Variants in FARS2 observed in about 807,000 individuals in gnomAD.
FARS2 encodes the protein phenylalanyl-tRNA synthetase 2, mitochondrial.
A neutral mutation model predicts 46.4 loss-of-function variants in FARS2; 40 were observed. The observed-to-expected ratio is 0.86, with a 90% CI of 0.67 to 1.12. The LOEUF (loss-of-function observed/expected upper bound fraction) is 1.12. FARS2 is among the 50% of genes most tolerant of loss of function. The pLI, the probability that FARS2 is intolerant of heterozygous loss-of-function variation, is 0.00. For synonymous variants in FARS2, 234 were observed against 214.9 expected (o/e 1.09, Z -0.78); for missense variants, 513 against 567.9 (o/e 0.90, Z 0.98).
intron 5 of FARS2, among the ~76,000 whole-genome samples, chr6:5,548,595 A>G (rs1228804308): frequency 6.6e-6 from 1 of 152,242 alleles, no homozygotes; most frequent in Non-Finnish European, 1.5e-5. Flanking sequence ...TTTAAAGAAC[A>G]CCAACATCGT....
At chr6:5,509,227 C>CT (rs927128198) in intron 4 of FARS2, among the ~76,000 whole-genome samples, 1 of 152,242 alleles carries the variant, frequency 6.6e-6, no homozygotes, top group African/African-American at 2.4e-5. Context: ...GCTGAGAACA[C>CT]TGTCTTCCTG....
At chr6:5,362,267 G>GT (rs1184525310) in intron 1 of FARS2, among the ~76,000 whole-genome samples, 2 of 152,216 alleles carry the variant, frequency 1.3e-5, no homozygotes, top group East Asian at 1.9e-4. Context: ...ATACTGTGCT[G>GT]TTTTTTACCT....
intron 6 of FARS2, chr6:5,665,113 C>T (rs932292687): frequency 2.0e-5 from 3 of 152,186 alleles, no homozygotes; most frequent in Admixed American, 2.0e-4. Context: ...TGTGAAGGGA[C>T]TAAATGTGTT....
upstream of FARS2, among the ~76,000 whole-genome samples, chr6:5,256,819 C>T (rs182288261): frequency 6.6e-6 from 1 of 152,276 alleles, no homozygotes; most frequent in Admixed American, 6.5e-5. Context: ...TTCTGTATTA[C>T]CTGAGTCAGT....
At chr6:5,708,803 G>A (rs1036739371) in intron 6 of FARS2, among the ~76,000 whole-genome samples, 1 of 152,086 alleles carries the variant, frequency 6.6e-6, no homozygotes, top group Non-Finnish European at 1.5e-5. Context: ...TGGGACTACA[G>A]GCATACACCA....
At chr6:5,258,021 TGAAG>T (rs1405466866), upstream of FARS2, among the ~76,000 whole-genome samples, 1 of 152,072 alleles carries the variant, frequency 6.6e-6, no homozygotes, top group Non-Finnish European at 1.5e-5. Flanking sequence ...AGCTCAATCT[TGAAG>T]GAAGAGGGGG....
At chr6:5,686,034 C>T (rs111922614) in intron 6 of FARS2, among the ~76,000 whole-genome samples, 2,123 of 152,260 alleles carry the variant, frequency 0.014, 21 homozygotes, top group Non-Finnish European at 0.022. Flanking sequence ...GCTGAATTTA[C>T]AGCTCCCAGA....
intron 5 of FARS2, among the ~76,000 whole-genome samples, chr6:5,554,221 A>G (rs1451721138): frequency 6.6e-6 from 1 of 152,178 alleles, no homozygotes; most frequent in Non-Finnish European, 1.5e-5. Context: ...TTAAATGCAC[A>G]TTTTTAAAAA....
chr6:5,579,493 C>T (rs1205833310), intron 5 of FARS2, among the ~76,000 whole-genome samples: 3 of 152,138 alleles, frequency 2.0e-5, no homozygotes, highest in African/African-American at 4.8e-5. Context: ...AGGCTGGTCT[C>T]GAACTCTTGA....
chr6:5,399,719 C>T (rs1407055088), intron 2 of FARS2, among the ~76,000 whole-genome samples: 1 of 152,080 alleles, frequency 6.6e-6, no homozygotes, highest in Non-Finnish European at 1.5e-5. Context: ...TGAAAGGTAG[C>T]AAGTAATATA....
chr6:5,587,132 A>G (rs1028556316), intron 5 of FARS2, among the ~76,000 whole-genome samples: 29 of 152,230 alleles, frequency 1.9e-4, no homozygotes, highest in African/African-American at 6.8e-4. Context: ...ACCTTTGTCA[A>G]TTCATTTAAC....
intron 6 of FARS2, among the ~76,000 whole-genome samples, chr6:5,691,414 A>C (rs1272347746): frequency 2.0e-5 from 3 of 151,982 alleles, no homozygotes; most frequent in Non-Finnish European, 4.4e-5. Flanking sequence ...AACAGTCAGG[A>C]CCCTCAGCTA....
rs1763043923 is a variant in FARS2, at chr6:5,771,406, T to C, written c.1333T>C (p.Leu445=). 2.5e-6 allele frequency: 4 copies of C among 1,613,914 alleles called. No homozygotes were observed. The highest frequency in any genetic ancestry group is 2.2e-5 in the South Asian group (2 of 91,060). Reference sequence around the variant, plus strand: ...CTTGCAGGAGGCTGCAGTCCAGCTGTTGGGTGTGGAGGGCAGGTTCTGATG... The same window carrying C: ...CTTGCAGGAGGCTGCAGTCCAGCTGCTGGGTGTGGAGGGCAGGTTCTGATG... ...QALQEAAVQL[L]GVEGRF Residue 445 remains leucine (L), a synonymous_variant, in exon 7 of 7, where the codon TTG becomes CTG. Coordinates refer to ENST00000274680, the MANE Select transcript of FARS2 (RefSeq NM_006567.5).
chr6:5,722,623 G>A (rs1759984856), intron 6 of FARS2, among the ~76,000 whole-genome samples: 1 of 152,200 alleles, frequency 6.6e-6, no homozygotes, highest in Non-Finnish European at 1.5e-5. Context: ...ATGGTGAGGA[G>A]GGGGAAGCGC....
chr6:5,770,061 G>A (rs1283618450), intron 6 of FARS2, among the ~76,000 whole-genome samples: 2 of 152,142 alleles, frequency 1.3e-5, no homozygotes, highest in Non-Finnish European at 2.9e-5. Flanking sequence ...TGAGGGAGAG[G>A]GAGAGGAAAG....
At chr6:5,287,243 C>T (rs1449996817) in intron 1 of FARS2, among the ~76,000 whole-genome samples, 1 of 152,212 alleles carries the variant, frequency 6.6e-6, no homozygotes, top group African/African-American at 2.4e-5. Flanking sequence ...CTTCTCAGCT[C>T]TGTTTGTGGG....
intron 3 of FARS2, among the ~76,000 whole-genome samples, chr6:5,430,207 C>G (rs1763083840): frequency 6.6e-6 from 1 of 152,106 alleles, no homozygotes; most frequent in African/African-American, 2.4e-5. Flanking sequence ...GACAGGAACA[C>G]AGGATTTGTC....
chr6:5,276,407 TTGAGA>T (rs1477307148), intron 1 of FARS2, among the ~76,000 whole-genome samples: 1 of 152,164 alleles, frequency 6.6e-6, no homozygotes, highest in African/African-American at 2.4e-5. Flanking sequence ...ATCAGGACAC[TTGAGA>T]TCAGTGAAAG....
intron 4 of FARS2, among the ~76,000 whole-genome samples, chr6:5,442,590 G>A (rs1032076771): frequency 4.6e-5 from 7 of 152,092 alleles, no homozygotes; most frequent in African/African-American, 1.7e-4. Flanking sequence ...TCATGTTACT[G>A]CCTTATCATT....
Sources: allele counts gnomAD v4.1 joint callset (sites outside exome capture counted in the v4.1 genomes callset), GRCh38; gene constraint gnomAD v4.1.1; transcripts MANE v1.5; gene names NCBI Gene and HGNC (gene_info 2026-07-23, HGNC 2026-07-21).